Variants in RGS8 observed in about 807,000 individuals in gnomAD.
RGS8 encodes regulator of G-protein signaling 8.
A neutral mutation model predicts 21.7 loss-of-function variants in RGS8; 8 were observed. That is an observed-to-expected ratio of 0.37 (90% CI 0.22 to 0.66). The LOEUF is 0.66. RGS8 is among the 30% of genes least tolerant of loss of function. The probability of loss-of-function intolerance (pLI) is 0.59; values close to 1 mark genes in which losing one functional copy is unlikely to be tolerated. For synonymous variants in RGS8, 80 were observed against 83.6 expected, an observed-to-expected ratio of 0.96 and a Z score of 0.24; for missense variants, 157 against 217.9, an observed-to-expected ratio of 0.72 and a Z score of 1.76.
the RGS8 span, among the ~76,000 whole-genome samples, chr1:182,735,183 T>G: frequency 6.6e-6 from 1 of 152,202 alleles, no homozygotes; most frequent in African/African-American, 2.4e-5. Context: ...CTCAAATGAA[T>G]AGTGAATTTT....
At chr1:182,748,674 C>T in the RGS8 span, among the ~76,000 whole-genome samples, 1 of 152,170 alleles carries the variant, frequency 6.6e-6, no homozygotes, top group Admixed American at 6.5e-5. Flanking sequence ...TTCGAGGAAA[C>T]TTCATACTGT....
exon 7 of RGS8, chr1:182,646,543 G>A (rs964246037): frequency 1.8e-6 from 1 of 571,016 alleles, no homozygotes. Context: ...CACAAACATG[G>A]GTAAATGGAA....
chr1:182,661,741 A>G (rs1663597530), intron 5 of RGS8, among the ~76,000 whole-genome samples: 1 of 152,170 alleles, frequency 6.6e-6, no homozygotes, highest in African/African-American at 2.4e-5. Flanking sequence ...GATCTTCCAC[A>G]AATGAGGAAA....
At chr1:182,715,577 C>G in the RGS8 span, among the ~76,000 whole-genome samples, 3 of 152,194 alleles carry the variant, frequency 2.0e-5, no homozygotes, top group East Asian at 1.9e-4. Context: ...TTGTGGGGCT[C>G]TATCCCCAGA....
chr1:182,741,901 C>T, the RGS8 span, among the ~76,000 whole-genome samples: 609 of 141,968 alleles, frequency 4.3e-3, 20 homozygotes, highest in African/African-American at 0.016. Flanking sequence ...ACCTCCCTCC[C>T]GGAGGAGGTG....
intron 5 of RGS8, among the ~76,000 whole-genome samples, chr1:182,661,647 TAAA>T (rs1165862411): frequency 6.6e-6 from 1 of 151,920 alleles, no homozygotes; most frequent in Non-Finnish European, 1.5e-5. Flanking sequence ...GCTAAACAAA[TAAA>T]AAAAGTTTGC....
chr1:182,681,826 C>T (rs911640310), intron 1 of RGS8, among the ~76,000 whole-genome samples: 14 of 152,350 alleles, frequency 9.2e-5, no homozygotes, highest in Admixed American at 7.8e-4. Context: ...AGACAAGGCC[C>T]TGGGAGGAAT....
the RGS8 span, among the ~76,000 whole-genome samples, chr1:182,705,835 C>T: frequency 6.6e-6 from 1 of 152,090 alleles, no homozygotes; most frequent in Non-Finnish European, 1.5e-5. Flanking sequence ...AGTAGCAGCC[C>T]CGTTCAACAG....
At chr1:182,650,859 A>G (rs1662979395) in intron 5 of RGS8, among the ~76,000 whole-genome samples, 1 of 152,180 alleles carries the variant, frequency 6.6e-6, no homozygotes, top group African/African-American at 2.4e-5. Flanking sequence ...CAATAATTAT[A>G]AACCATGACC....
intron 5 of RGS8, among the ~76,000 whole-genome samples, chr1:182,656,690 A>C: frequency 6.6e-6 from 1 of 152,208 alleles, no homozygotes; most frequent in South Asian, 2.1e-4. Context: ...AAGAAACTTG[A>C]AAGTTGCCTG....
chr1:182,692,001 C>T, the RGS8 span, among the ~76,000 whole-genome samples: 1 of 150,950 alleles, frequency 6.6e-6, no homozygotes, highest in Non-Finnish European at 1.5e-5. Context: ...TAGTAGTTAG[C>T]ATTTCTTTTT....
At chr1:182,680,776 C>T (rs568554506) in intron 1 of RGS8, among the ~76,000 whole-genome samples, 3 of 152,292 alleles carry the variant, frequency 2.0e-5, no homozygotes, top group East Asian at 1.9e-4. Flanking sequence ...GCACGGTCCC[C>T]GGCAACAGGA....
the RGS8 span, among the ~76,000 whole-genome samples, chr1:182,715,539 A>T: frequency 6.6e-6 from 1 of 152,148 alleles, no homozygotes; most frequent in Non-Finnish European, 1.5e-5. Flanking sequence ...TATCAGAATC[A>T]CCTAGAAGTG....
At chr1:182,672,130 A>G (rs1664195437), upstream of RGS8, 1 of 213,914 alleles carries the variant, frequency 4.7e-6, no homozygotes, top group Non-Finnish European at 9.4e-6. Context: ...GCAGCAAAGA[A>G]TAGGTATTAA....
the RGS8 span, among the ~76,000 whole-genome samples, chr1:182,716,478 T>A: frequency 6.6e-6 from 1 of 151,996 alleles, no homozygotes; most frequent in Non-Finnish European, 1.5e-5. Context: ...TTTATTGTTT[T>A]TTTTTTCTGA....
chr1:182,648,111 C>A, intron 6 of RGS8, 26 bp downstream of exon 7: 2 of 1,576,338 alleles, frequency 1.3e-6, no homozygotes, highest in Non-Finnish European at 8.6e-7. Context: ...CATGGATAGA[C>A]AGGATGGTCG....
chr1:182,724,130 A>G, the RGS8 span, among the ~76,000 whole-genome samples: 1 of 148,186 alleles, frequency 6.7e-6, no homozygotes, highest in African/African-American at 2.5e-5. Flanking sequence ...GGTGGGCACC[A>G]TAGAATCAGC....
the RGS8 span, among the ~76,000 whole-genome samples, chr1:182,742,071 A>G: frequency 2.8e-5 from 4 of 140,386 alleles, no homozygotes; most frequent in African/African-American, 8.0e-5. Context: ...ACGGGGCGGC[A>G]GGGCAGAGGT....
intron 3 of RGS8, among the ~76,000 whole-genome samples, chr1:182,669,200 G>C (rs1290220770): frequency 6.6e-6 from 1 of 152,176 alleles, no homozygotes; most frequent in Non-Finnish European, 1.5e-5. Context: ...TTCTTAGCTA[G>C]GTCTGAAATA....
Sources: allele counts gnomAD v4.1 joint callset (sites outside exome capture counted in the v4.1 genomes callset), GRCh38; gene constraint gnomAD v4.1.1; transcripts MANE v1.5; gene names NCBI Gene and HGNC (gene_info 2026-07-23, HGNC 2026-07-21).